PCNX1: variants seen among roughly 807,000 people sequenced by gnomAD.
PCNX1 encodes pecanex-like protein 1.
Under a neutral mutation model 242.2 loss-of-function variants are expected in PCNX1, and 78 were observed. The observed-to-expected ratio is 0.32, with a 90% CI of 0.27 to 0.39. The LOEUF (loss-of-function observed/expected upper bound fraction) is 0.39, where lower values mean the gene tolerates loss of function less well. PCNX1 is among the 10% of genes least tolerant of loss of function. The pLI, the probability that PCNX1 is intolerant of heterozygous loss-of-function variation, is 1.00. For missense variants in PCNX1, 2,581 were observed against 2,856.5 expected (o/e 0.90, Z 2.20); for synonymous variants, 1,024 against 1,032.9 (o/e 0.99, Z 0.17).
At chr14:71,050,833 A>G in intron 23 of PCNX1, 73 bp downstream of exon 23, 8 of 1,352,354 alleles carry the variant, frequency 5.9e-6, no homozygotes, top group Non-Finnish European at 8.3e-6. Flanking sequence ...TATAGGCATG[A>G]CCTTTCATGG....
intron 26 of PCNX1, among the ~76,000 whole-genome samples, chr14:71,066,718 C>T (rs549044335): frequency 3.9e-5 from 6 of 152,166 alleles, no homozygotes; most frequent in East Asian, 1.9e-4. Flanking sequence ...CAGTTTTTGC[C>T]CATTCAGTAT....
chr14:71,034,647 AAT>A (rs1300514479), intron 18 of PCNX1, among the ~76,000 whole-genome samples: 2 of 152,206 alleles, frequency 1.3e-5, no homozygotes, highest in African/African-American at 4.8e-5. Flanking sequence ...AATAAAACAA[AAT>A]CTTTTTCTCA....
At chr14:71,006,082 C>A (rs963269124) in intron 8 of PCNX1, among the ~76,000 whole-genome samples, 7 of 147,754 alleles carry the variant, frequency 4.7e-5, no homozygotes, top group African/African-American at 1.8e-4. Flanking sequence ...GCCACCACAC[C>A]CAGCTAGTAC....
At chr14:70,995,593 G>T in intron 7 of PCNX1, 148 bp from the exon 8 acceptor site, 1 of 618,906 alleles carries the variant, frequency 1.6e-6, no homozygotes. Flanking sequence ...AATGTAATCT[G>T]TATATTTTGC....
intron 2 of PCNX1, among the ~76,000 whole-genome samples, chr14:70,949,256 C>CACATATGTGCGTAT (rs1451296087): frequency 3.8e-4 from 9 of 23,860 alleles, no homozygotes; most frequent in African/African-American, 9.9e-4. Flanking sequence ...CGTGTATACA[C>CACATATGTGCGTAT]ACACACGTGT....
intron 5 of PCNX1, among the ~76,000 whole-genome samples, chr14:70,976,371 T>TG (rs2058688120): frequency 2.2e-5 from 3 of 136,532 alleles, no homozygotes; most frequent in African/African-American, 8.0e-5. Context: ...TTTCTTTCTT[T>TG]CTTTTTTTTT....
intron 1 of PCNX1, among the ~76,000 whole-genome samples, chr14:70,928,839 T>G (rs527888661): frequency 6.6e-6 from 1 of 152,222 alleles, no homozygotes; most frequent in South Asian, 2.1e-4. Context: ...ACCTTTCTGC[T>G]TTATTTTAAT....
At chr14:70,910,778 T>C (rs1252102792) in intron 1 of PCNX1, among the ~76,000 whole-genome samples, 2 of 152,256 alleles carry the variant, frequency 1.3e-5, no homozygotes, top group Non-Finnish European at 2.9e-5. Context: ...GCTGTATTTT[T>C]AGGACCTAGA....
At chr14:70,986,280 AATATT>A (rs755186536) in intron 6 of PCNX1, among the ~76,000 whole-genome samples, 1 of 152,210 alleles carries the variant, frequency 6.6e-6, no homozygotes, top group South Asian at 2.1e-4. Flanking sequence ...TTACCCCCTG[AATATT>A]ATAAGAGACA....
chr14:70,930,530 AC>A (rs1455893379), intron 1 of PCNX1, among the ~76,000 whole-genome samples: 5 of 152,214 alleles, frequency 3.3e-5, no homozygotes, highest in Non-Finnish European at 7.3e-5. Context: ...TTATGGAGTG[AC>A]AAACAGATTT....
intron 2 of PCNX1, among the ~76,000 whole-genome samples, chr14:70,951,383 GTTGT>G (rs1566612381): frequency 4.0e-5 from 6 of 151,818 alleles, no homozygotes; most frequent in South Asian, 2.1e-4. Context: ...GGGTTGGTTG[GTTGT>G]TTGTTTTGAG....
At chr14:70,956,674 TC>T (rs144087435) in intron 2 of PCNX1, among the ~76,000 whole-genome samples, 2,349 of 152,274 alleles carry the variant, frequency 0.015, 55 homozygotes, top group African/African-American at 0.052. Flanking sequence ...GTACGTGTGT[TC>T]AAGTGTGTGG....
intron 8 of PCNX1, among the ~76,000 whole-genome samples, chr14:71,004,610 C>G (rs1458480938): frequency 1.3e-5 from 2 of 152,076 alleles, no homozygotes. Context: ...TCCCTTATGC[C>G]AGAAAGGTTG....
Position 70,907,745 on chromosome 14 carries a change from A to T in PCNX1, c.-106A>T, listed in dbSNP as rs2055620674. 1 of 1,148,926 alleles carries T rather than the reference A, an allele frequency of 8.7e-7. No homozygotes were observed. The highest frequency in any genetic ancestry group is 1.6e-5 in the African/African-American group (1 of 60,632). The allele number at this position is 1,148,926 out of a possible 1,614,324, so 71.2% of individuals were successfully genotyped here. On this transcript the variant is annotated 5_prime_UTR_variant, in exon 1 of 36. Coordinates refer to ENST00000304743, the MANE Select transcript of PCNX1 (RefSeq NM_014982.3). ...CCGGCTCGCTCACCCGGAGCTCCGGAGGTGGATAGACGGGGCAGCTGCAGG... is the reference window on the plus strand; with the variant it reads ...CCGGCTCGCTCACCCGGAGCTCCGGTGGTGGATAGACGGGGCAGCTGCAGG...
At chr14:71,086,539 C>G (rs2061994446) in intron 28 of PCNX1, among the ~76,000 whole-genome samples, 1 of 152,228 alleles carries the variant, frequency 6.6e-6, no homozygotes, top group Admixed American at 6.5e-5. Flanking sequence ...AGCTGTTAGT[C>G]TGGGGCTAAT....
At chr14:71,028,653 C>A in intron 15 of PCNX1, 47 bp from the exon 16 acceptor site, 1 of 1,095,906 alleles carries the variant, frequency 9.1e-7, no homozygotes, top group Non-Finnish European at 1.4e-6. Flanking sequence ...TAATTATTTT[C>A]ATATATTTTT....
At chr14:70,996,052 G>GGTAA in intron 8 of PCNX1, 127 bp downstream of exon 8, 2 of 672,596 alleles carry the variant, frequency 3.0e-6, no homozygotes, top group Non-Finnish European at 2.6e-6. Flanking sequence ...TTTTACATAG[G>GGTAA]ATTTACCCTA....
chr14:70,953,956 C>T (rs537077003), intron 2 of PCNX1, among the ~76,000 whole-genome samples: 3 of 152,274 alleles, frequency 2.0e-5, no homozygotes, highest in South Asian at 2.1e-4. Flanking sequence ...GCGTGATCCA[C>T]GCGCCTGGCT....
chr14:71,019,413 G>GT (rs1313953501), intron 12 of PCNX1, among the ~76,000 whole-genome samples: 4 of 152,054 alleles, frequency 2.6e-5, no homozygotes, highest in African/African-American at 7.2e-5. Flanking sequence ...GTTTTATTTT[G>GT]TTTTTTGGAG....
Sources: allele counts gnomAD v4.1 joint callset (sites outside exome capture counted in the v4.1 genomes callset), GRCh38; gene constraint gnomAD v4.1.1; transcripts MANE v1.5; gene names NCBI Gene and HGNC (gene_info 2026-07-23, HGNC 2026-07-21).